PRKCA: variants seen among roughly 807,000 people sequenced by gnomAD.
PRKCA encodes the protein protein kinase C alpha, also known as protein kinase C alpha type.
In PRKCA, 27 loss-of-function variants were observed where a neutral mutation model predicts 87.0. The ratio of observed to expected loss-of-function variants is 0.31; its 90% CI spans 0.23 to 0.43. The LOEUF is 0.43. Among genes scored for constraint, PRKCA ranks in the 20% least tolerant of loss-of-function variants. PRKCA has a pLI of 1.00. For synonymous variants in PRKCA, 329 were observed against 311.1 expected, an observed-to-expected ratio of 1.06 and a Z score of -0.61; for missense variants, 518 against 852.3, an observed-to-expected ratio of 0.61 and a Z score of 4.88.
chr17:66,316,517 T>A (rs925980788), intron 2 of PRKCA, among the ~76,000 whole-genome samples: 3 of 152,212 alleles, frequency 2.0e-5, no homozygotes, highest in African/African-American at 7.2e-5. Flanking sequence ...TATGAATTTT[T>A]AAATTTTTAT....
chr17:66,798,770 GTGGTGA>G (rs1975772882), intron 16 of PRKCA, among the ~76,000 whole-genome samples: 2 of 5,730 alleles, frequency 3.5e-4, no homozygotes, highest in East Asian at 4.9e-3. Context: ...GGTGGTGGTG[GTGGTGA>G]TGGTGGTGGT....
chr17:66,536,809 A>G (rs1967803266), intron 3 of PRKCA, among the ~76,000 whole-genome samples: 1 of 152,310 alleles, frequency 6.6e-6, no homozygotes, highest in Admixed American at 6.5e-5. Context: ...CCTGGGACAG[A>G]CTTAGCCACC....
chr17:66,672,422 A>T (rs1270577915), intron 5 of PRKCA, among the ~76,000 whole-genome samples: 1 of 152,192 alleles, frequency 6.6e-6, no homozygotes, highest in African/African-American at 2.4e-5. Context: ...CCACTTCTTG[A>T]TATGGTTTTG....
Position 66,357,369 on chromosome 17 carries a change from A to G in PRKCA, c.205+51242A>G, listed in dbSNP as rs1183825769. Among the ~76,000 whole-genome samples, 5 of 152,222 alleles carry G rather than the reference A, an allele frequency of 3.3e-5. 1 individual carries two copies. The highest frequency in any genetic ancestry group is 1.2e-4 in the African/African-American group (5 of 41,458). ...GGCAATGAGCTGTAGATACAAAGCC[A>G]GCTTTGAGTTGTTAAGAATAATGAG... On this transcript the variant is annotated intron_variant, in intron 2 of 16. Transcript: ENST00000413366.
At chr17:66,418,626 G>A (rs1022956846) in intron 2 of PRKCA, among the ~76,000 whole-genome samples, 5 of 151,844 alleles carry the variant, frequency 3.3e-5, no homozygotes, top group Admixed American at 2.6e-4. Flanking sequence ...TAGTAGAGAC[G>A]GGGTTTCACC....
At chr17:66,492,602 C>G (rs530985643) in intron 2 of PRKCA, among the ~76,000 whole-genome samples, 1 of 152,232 alleles carries the variant, frequency 6.6e-6, no homozygotes, top group South Asian at 2.1e-4. Context: ...TGTAATAAAC[C>G]GTGATGAGGA....
chr17:66,501,796 A>T (rs971544035), intron 3 of PRKCA, among the ~76,000 whole-genome samples: 1 of 152,242 alleles, frequency 6.6e-6, no homozygotes, highest in African/African-American at 2.4e-5. Flanking sequence ...AGACTCGGAC[A>T]TGGGCAGGTA....
At chr17:66,723,062 C>G (rs894137575) in intron 8 of PRKCA, among the ~76,000 whole-genome samples, 2 of 152,206 alleles carry the variant, frequency 1.3e-5, no homozygotes, top group African/African-American at 2.4e-5. Flanking sequence ...TCTCCTGCCC[C>G]CCTTAGGAGG....
intron 8 of PRKCA, among the ~76,000 whole-genome samples, chr17:66,731,312 G>T (rs976200952): frequency 4.2e-5 from 6 of 144,142 alleles, no homozygotes; most frequent in Non-Finnish European, 8.9e-5. Context: ...CCACTGCACT[G>T]CGCTTCAGCC....
At chr17:66,638,746 G>T (rs991897594) in intron 3 of PRKCA, among the ~76,000 whole-genome samples, 3 of 152,098 alleles carry the variant, frequency 2.0e-5, no homozygotes, top group African/African-American at 7.2e-5. Context: ...TACTCGGGGG[G>T]CTGAGGCAGG....
At chr17:66,525,243 A>G (rs576878514) in intron 3 of PRKCA, among the ~76,000 whole-genome samples, 1 of 151,942 alleles carries the variant, frequency 6.6e-6, no homozygotes, top group South Asian at 2.1e-4. Flanking sequence ...GAGTTAGGCC[A>G]TCAGGCACCT....
intron 13 of PRKCA, among the ~76,000 whole-genome samples, chr17:66,767,958 G>T (rs1974846902): frequency 6.6e-6 from 1 of 152,008 alleles, no homozygotes; most frequent in South Asian, 2.1e-4. Flanking sequence ...CCACTGACTT[G>T]TTTTGTTTTG....
At chr17:66,386,182 A>C (rs1014711111) in intron 2 of PRKCA, among the ~76,000 whole-genome samples, 1 of 152,176 alleles carries the variant, frequency 6.6e-6, no homozygotes, top group Non-Finnish European at 1.5e-5. Flanking sequence ...CCTACATTAT[A>C]TCATCCTACA....
At chr17:66,399,649 C>T (rs538931157) in intron 2 of PRKCA, among the ~76,000 whole-genome samples, 2 of 152,256 alleles carry the variant, frequency 1.3e-5, no homozygotes, top group South Asian at 4.1e-4. Flanking sequence ...AGTTACTATT[C>T]TACTTTGTTT....
At chr17:66,496,801 G>A (rs1385230462) in intron 3 of PRKCA, among the ~76,000 whole-genome samples, 5 of 152,022 alleles carry the variant, frequency 3.3e-5, no homozygotes, top group South Asian at 2.1e-4. Context: ...GCACCACCAC[G>A]CACAGCTAAT....
intron 3 of PRKCA, among the ~76,000 whole-genome samples, chr17:66,584,995 GCTCT>G (rs369489490): frequency 2.0e-5 from 3 of 151,754 alleles, no homozygotes; most frequent in African/African-American, 7.3e-5. Context: ...AAAGAGGAAA[GCTCT>G]CTCTCTCCTT....
chr17:66,655,461 C>T (rs780629358), intron 5 of PRKCA, among the ~76,000 whole-genome samples: 3 of 152,208 alleles, frequency 2.0e-5, no homozygotes, highest in East Asian at 1.9e-4. Flanking sequence ...CCCCAGAGAA[C>T]GTCTTTTTAA....
intron 3 of PRKCA, among the ~76,000 whole-genome samples, chr17:66,552,885 T>A (rs1039571610): frequency 6.6e-6 from 1 of 152,230 alleles, no homozygotes. Context: ...CACAACTGTT[T>A]TAAGAGCCTA....
At chr17:66,445,255 C>A (rs970654391) in intron 2 of PRKCA, among the ~76,000 whole-genome samples, 4 of 152,152 alleles carry the variant, frequency 2.6e-5, no homozygotes, top group African/African-American at 7.2e-5. Context: ...AGGAGTGTTT[C>A]CAGATGAGAA....
Sources: allele counts gnomAD v4.1 joint callset (sites outside exome capture counted in the v4.1 genomes callset), GRCh38; gene constraint gnomAD v4.1.1; transcripts MANE v1.5; gene names NCBI Gene and HGNC (gene_info 2026-07-23, HGNC 2026-07-21).